RIPOR3: variants seen among roughly 807,000 people sequenced by gnomAD.
RIPOR3 encodes family with sequence similarity 65 member C.
Under a neutral mutation model 114.3 loss-of-function variants are expected in RIPOR3, and 95 were observed. The observed-to-expected ratio is 0.83, with a 90% confidence interval of 0.70 to 0.99. The LOEUF (loss-of-function observed/expected upper bound fraction) is 0.99, where lower values mean the gene tolerates loss of function less well. Among genes scored for constraint, RIPOR3 ranks in the 50% least tolerant of loss-of-function variants. The probability of loss-of-function intolerance (pLI) is 0.00; values close to 1 mark genes in which losing one functional copy is unlikely to be tolerated. For missense variants in RIPOR3, 1,252 were observed against 1,266.9 expected, an observed-to-expected ratio of 0.99 and a Z score of 0.18; for synonymous variants, 575 against 543.8, an observed-to-expected ratio of 1.06 and a Z score of -0.80.
chr20:50,594,756 G>A, intron 16 of RIPOR3, 42 bp from the exon 17 acceptor site: 1 of 1,584,256 alleles, frequency 6.3e-7, no homozygotes, highest in South Asian at 1.1e-5. Flanking sequence ...GACTCGGGGA[G>A]AGCACATGAC....
chr20:50,604,198 CAA>C (rs1002943664), intron 12 of RIPOR3, among the ~76,000 whole-genome samples: 12 of 147,660 alleles, frequency 8.1e-5, no homozygotes, highest in South Asian at 4.3e-4. Context: ...AAAAAAAAAA[CAA>C]AGAAAAAAAA....
intron 12 of RIPOR3, among the ~76,000 whole-genome samples, chr20:50,603,007 T>A (rs2083563576): frequency 6.6e-6 from 1 of 152,218 alleles, no homozygotes; most frequent in South Asian, 2.1e-4. Context: ...GGACCTTACA[T>A]AGGTGTCACC....
At chr20:50,629,652 G>A (rs570084295) in intron 2 of RIPOR3, among the ~76,000 whole-genome samples, 2 of 152,294 alleles carry the variant, frequency 1.3e-5, no homozygotes, top group East Asian at 1.9e-4. Flanking sequence ...TCCCTCATCC[G>A]GTAACCCCCC....
At chr20:50,635,815 G>C (rs1193874567) in intron 1 of RIPOR3, among the ~76,000 whole-genome samples, 9 of 152,228 alleles carry the variant, frequency 5.9e-5, no homozygotes, top group East Asian at 1.9e-4. Context: ...GCCTGGCTTC[G>C]GGACTCCGCT....
chr20:50,667,218 A>C (rs867817340), intron 1 of RIPOR3, among the ~76,000 whole-genome samples: 1 of 151,808 alleles, frequency 6.6e-6, no homozygotes, highest in East Asian at 1.9e-4. Flanking sequence ...CCCATCCCCA[A>C]ACGAGCCTCC....
intron 2 of RIPOR3, among the ~76,000 whole-genome samples, chr20:50,623,426 T>A (rs945404111): frequency 6.6e-5 from 10 of 152,150 alleles, no homozygotes; most frequent in African/African-American, 2.2e-4. Context: ...TGTTCCCAGC[T>A]GGAGACAGAG....
chr20:50,646,790 C>T (rs2085414755), intron 1 of RIPOR3, among the ~76,000 whole-genome samples: 1 of 152,146 alleles, frequency 6.6e-6, no homozygotes, highest in Non-Finnish European at 1.5e-5. Flanking sequence ...CAAAATATTC[C>T]AGGCAGACAC....
chr20:50,615,523 T>TTA (rs2084141087), intron 4 of RIPOR3, among the ~76,000 whole-genome samples: 1 of 81,724 alleles, frequency 1.2e-5, no homozygotes, highest in Non-Finnish European at 2.4e-5. Context: ...AAATCCTGTC[T>TTA]CAAAAAAAAA....
chr20:50,587,077 G>A lies in RIPOR3; in HGVS notation c.*155C>T, dbSNP rs759983461. On this transcript the variant is annotated 3_prime_UTR_variant, in exon 22 of 22. Transcript: ENST00000327979. The stretch of plus-strand genomic sequence containing the variant: ...TGTACAAAAGACCAGCCCATGCCCT[G>A]GGGCTGGGTCAATGGCCGGAGTCTC... 5 of 632,244 alleles carry A rather than the reference G, an allele frequency of 7.9e-6. No individual in the cohort carries two copies. Among genetic ancestry groups the A allele is most frequent in the African/African-American group, 1.8e-5 (1 of 54,642 alleles). 39.2% of individuals were successfully genotyped at this position (632,244 alleles called of 1,614,324 possible).
chr20:50,686,499 A>G lies in RIPOR3; in HGVS notation c.3+4627T>C, dbSNP rs987608503. 3.3e-5 allele frequency among the ~76,000 whole-genome samples: 5 copies of G among 152,176 alleles called. 1 individual carries two copies. Among genetic ancestry groups the G allele is most frequent in the South Asian group, 4.1e-4 (2 of 4,826 alleles). On this transcript the variant is annotated intron_variant, in intron 1 of 21. Transcript: ENST00000327979. The stretch of plus-strand genomic sequence containing the variant: ...CATGGTGGTTCATGCCTGTAATTCC[A>G]GCACTTTTGGAGGCCTACGCGGGTA...
intron 3 of RIPOR3, among the ~76,000 whole-genome samples, chr20:50,619,006 T>A (rs1275787226): frequency 6.6e-6 from 1 of 151,984 alleles, no homozygotes; most frequent in Non-Finnish European, 1.5e-5. Context: ...AGGTCAGGAG[T>A]TCGAGACCAG....
chr20:50,643,587 G>T (rs1327597353), intron 1 of RIPOR3, among the ~76,000 whole-genome samples: 1 of 151,928 alleles, frequency 6.6e-6, no homozygotes, highest in Non-Finnish European at 1.5e-5. Flanking sequence ...GCTATGTCTT[G>T]GGTCATGGTC....
At chr20:50,681,085 G>A (rs569096902) in intron 1 of RIPOR3, among the ~76,000 whole-genome samples, 78 of 152,040 alleles carry the variant, frequency 5.1e-4, no homozygotes, top group African/African-American at 1.7e-3. Context: ...CTGGCTGGGC[G>A]TGGTGGTGCA....
intron 13 of RIPOR3, among the ~76,000 whole-genome samples, chr20:50,600,470 A>G (rs2083454659): frequency 6.6e-6 from 1 of 152,198 alleles, no homozygotes; most frequent in Non-Finnish European, 1.5e-5. Context: ...TAAAAAGTAC[A>G]AAAAAGGTAC....
intron 2 of RIPOR3, among the ~76,000 whole-genome samples, chr20:50,623,274 A>AG (rs1179151104): frequency 6.6e-6 from 1 of 150,476 alleles, no homozygotes; most frequent in East Asian, 1.9e-4. Context: ...AAAAAAAAAA[A>AG]AAAAAGAAAA....
Position 50,615,883 on chromosome 20 carries a change from A to G in RIPOR3, c.348+119T>C, listed in dbSNP as rs2084154801. ...CAGTGCAACGTGAAGAGGCTATTCC[A>G]TAAACCTCTAGTTCTGAGAAAGAGT... On this transcript the variant is annotated intron_variant, in intron 4 of 21. Coordinates refer to ENST00000327979, the MANE Select transcript of RIPOR3 (RefSeq NM_001290268.2). The G allele has an allele frequency of 9.3e-6, 9 of 965,510 alleles. No individual in the cohort carries two copies. The Admixed American group carries it at 2.3e-4, about 24-fold the overall frequency. The allele number at this position is 965,510 out of a possible 1,614,324, so 59.8% of individuals were successfully genotyped here.
intron 1 of RIPOR3, chr20:50,659,953 T>C (rs1254186155): frequency 6.6e-6 from 1 of 152,194 alleles, no homozygotes; most frequent in East Asian, 1.9e-4. Context: ...ATTCACTCAC[T>C]GGCCACGAAC....
chr20:50,611,411 G>A (rs913860949), intron 4 of RIPOR3, among the ~76,000 whole-genome samples: 2 of 152,250 alleles, frequency 1.3e-5, no homozygotes, highest in Non-Finnish European at 2.9e-5. Context: ...ATGCACGTGG[G>A]ATGAGGCAGT....
intron 1 of RIPOR3, among the ~76,000 whole-genome samples, chr20:50,666,206 T>TTCCTTTCCTTTCCTTTCCTTTCCTTTC (rs2086219771): frequency 8.4e-6 from 1 of 118,904 alleles, no homozygotes; most frequent in African/African-American, 3.4e-5. Flanking sequence ...TCTTTTCTTT[T>TTCCTTTCCTTTCCTTTCCTTTCCTTTC]CTTTTCTTTT....
Sources: gnomAD v4.1 joint callset for allele counts (sites outside exome capture counted in the v4.1 genomes callset) on GRCh38, gnomAD v4.1.1 for gene constraint, MANE v1.5 for transcripts, NCBI Gene and HGNC (gene_info 2026-07-23, HGNC 2026-07-21) for gene names.